COLEC10: variants seen among roughly 807,000 people sequenced by gnomAD.
The protein encoded by COLEC10 is collectin subfamily member 10.
COLEC10 carries 22 observed loss-of-function variants against 28.4 expected under a neutral mutation model. The ratio of observed to expected loss-of-function variants is 0.78; its 90% confidence interval spans 0.55 to 1.11. The LOEUF is 1.11. Ranked by LOEUF, COLEC10 falls within the 50% of genes least tolerant of loss-of-function variation. The pLI, the probability that COLEC10 is intolerant of heterozygous loss-of-function variation, is 0.00. For missense variants in COLEC10, 361 were observed against 344.1 expected, an observed-to-expected ratio of 1.05 and a Z score of -0.39; for synonymous variants, 125 against 116.1, an observed-to-expected ratio of 1.08 and a Z score of -0.49.
intron 1 of COLEC10, among the ~76,000 whole-genome samples, chr8:119,086,874 G>T (rs1815490627): frequency 6.6e-6 from 1 of 152,190 alleles, no homozygotes; most frequent in Non-Finnish European, 1.5e-5. Context: ...AAATGCTAAG[G>T]CAGGAATTTG....
chr8:118,963,047 A>T, the COLEC10 span, among the ~76,000 whole-genome samples: 2 of 152,178 alleles, frequency 1.3e-5, no homozygotes, highest in African/African-American at 4.8e-5. Context: ...TGAAAGAAAA[A>T]CACAGAGTGC....
chr8:119,083,214 A>G (rs1482411269), intron 1 of COLEC10, among the ~76,000 whole-genome samples: 5 of 152,168 alleles, frequency 3.3e-5, no homozygotes, highest in Non-Finnish European at 7.4e-5. Context: ...TCTTCACACC[A>G]TTCTGCTTTC....
intron 2 of COLEC10, among the ~76,000 whole-genome samples, chr8:119,090,588 AT>A (rs1209302842): frequency 6.6e-6 from 1 of 152,204 alleles, no homozygotes; most frequent in African/African-American, 2.4e-5. Flanking sequence ...ATTGGCAAAT[AT>A]TTTTTAGACT....
chr8:119,103,954 T>C, intron 5 of COLEC10, 59 bp downstream of exon 5: 1 of 1,099,762 alleles, frequency 9.1e-7, no homozygotes, highest in Non-Finnish European at 1.4e-6. Flanking sequence ...AACACTACAA[T>C]TCCAGTACTC....
In COLEC10 at chr8:119,107,155, A is replaced by T. The variant is rs1815965298; in HGVS notation, c.*964A>T. ...TTCTGGAAGCTTCAAAGTGCTACCA[A>T]CATCATCTCCAGGCCCCCTCATCCT... On this transcript the variant is annotated 3_prime_UTR_variant, in exon 6 of 6. Coordinates refer to ENST00000332843, the MANE Select transcript of COLEC10 (RefSeq NM_006438.5). Among the ~76,000 whole-genome samples the T allele has an allele frequency of 6.6e-6, 1 of 152,210 alleles. No homozygotes were observed. The highest frequency in any genetic ancestry group is 2.1e-4 in the South Asian group (1 of 4,828).
chr8:119,059,390 A>G (rs1814815957), intron 2 of COLEC10, among the ~76,000 whole-genome samples: 2 of 151,994 alleles, frequency 1.3e-5, no homozygotes, highest in African/African-American at 4.8e-5. Flanking sequence ...GTATACTGTG[A>G]GATAGGTTCC....
intron 1 of COLEC10, among the ~76,000 whole-genome samples, chr8:119,006,862 A>G (rs1361387734): frequency 1.3e-5 from 2 of 152,260 alleles, no homozygotes; most frequent in East Asian, 1.9e-4. Flanking sequence ...TTTGTTCACA[A>G]AAAAATCCCT....
chr8:119,096,285 A>G (rs1446689181), intron 3 of COLEC10, among the ~76,000 whole-genome samples: 1 of 152,190 alleles, frequency 6.6e-6, no homozygotes, highest in Non-Finnish European at 1.5e-5. Flanking sequence ...TAACAAATTG[A>G]AGTCTATCAA....
At chr8:119,090,894 C>T (rs1160441709) in intron 2 of COLEC10, among the ~76,000 whole-genome samples, 6 of 152,304 alleles carry the variant, frequency 3.9e-5, no homozygotes, top group Non-Finnish European at 8.8e-5. Context: ...CTGCCATAGT[C>T]ATTCTAGAAA....
chr8:119,034,323 GGCACATGTATACCTATGTAACAAACCA>G lies in COLEC10; in HGVS notation n.235+24786_235+24812del, dbSNP rs538934403. ...GTTGATGGGTGCAGCCAACCACCAT[GGCACATGTATACCTATGTAACAAACCA>G]GCACATGTATACCTACGTAACAAAC... is the stretch of plus-strand genomic sequence containing the variant. On this transcript the variant is annotated intron_variant and non_coding_transcript_variant, in intron 2 of 6. Transcript: ENST00000521788. 4.9e-3 allele frequency among the ~76,000 whole-genome samples: 740 copies of G among 151,908 alleles called. 12 individuals are homozygous for G. The highest frequency in any genetic ancestry group is 0.017 in the African/African-American group (706 of 41,392).
intron 1 of COLEC10, among the ~76,000 whole-genome samples, chr8:119,003,956 C>G (rs1426534254): frequency 6.6e-6 from 1 of 152,014 alleles, no homozygotes; most frequent in Non-Finnish European, 1.5e-5. Context: ...AAGGACCATA[C>G]AGTTGATTAT....
the COLEC10 span, among the ~76,000 whole-genome samples, chr8:118,974,965 G>C: frequency 3.3e-5 from 5 of 151,976 alleles, no homozygotes; most frequent in Admixed American, 3.3e-4. Flanking sequence ...TTAAAGGGCA[G>C]ATTTTCATTT....
chr8:119,036,693 A>G (rs1390795130), intron 2 of COLEC10, among the ~76,000 whole-genome samples: 1 of 152,196 alleles, frequency 6.6e-6, no homozygotes, highest in Non-Finnish European at 1.5e-5. Flanking sequence ...TCCAAACAGG[A>G]AACAGAAGAT....
intron 3 of COLEC10, among the ~76,000 whole-genome samples, chr8:119,096,274 C>G (rs1178181421): frequency 1.3e-5 from 2 of 152,110 alleles, no homozygotes; most frequent in East Asian, 3.9e-4. Context: ...GTAAGAAAAA[C>G]TAACAAATTG....
chr8:119,032,339 C>T (rs573886342), intron 2 of COLEC10, among the ~76,000 whole-genome samples: 3 of 152,270 alleles, frequency 2.0e-5, no homozygotes, highest in African/African-American at 7.2e-5. Flanking sequence ...ACGAAGTGTT[C>T]ATTCTGGTAG....
At chr8:119,035,429 T>C (rs924821502) in intron 2 of COLEC10, among the ~76,000 whole-genome samples, 2 of 152,250 alleles carry the variant, frequency 1.3e-5, no homozygotes, top group Admixed American at 1.3e-4. Context: ...TGAGCTTAGA[T>C]ATCAATCCTA....
chr8:118,991,733 G>T (rs1312280437), upstream of COLEC10, among the ~76,000 whole-genome samples: 2 of 152,128 alleles, frequency 1.3e-5, no homozygotes, highest in African/African-American at 4.8e-5. Context: ...TCCTGAGTCT[G>T]TGTGGCTAAT....
At chr8:119,027,820 C>T (rs1279285511) in intron 2 of COLEC10, among the ~76,000 whole-genome samples, 1 of 152,198 alleles carries the variant, frequency 6.6e-6, no homozygotes, top group Non-Finnish European at 1.5e-5. Flanking sequence ...TCCCTCTCTC[C>T]TCGATGCTAC....
At chr8:119,037,374 A>G (rs1027487004) in intron 2 of COLEC10, among the ~76,000 whole-genome samples, 1 of 152,226 alleles carries the variant, frequency 6.6e-6, no homozygotes, top group Non-Finnish European at 1.5e-5. Flanking sequence ...AGAATAAATA[A>G]GTATATGCCA....
Sources: gnomAD v4.1 joint callset for allele counts (sites outside exome capture counted in the v4.1 genomes callset) on GRCh38, gnomAD v4.1.1 for gene constraint, MANE v1.5 for transcripts, NCBI Gene and HGNC (gene_info 2026-07-23, HGNC 2026-07-21) for gene names.